The following SLAIN1 variants were observed in gnomAD, a reference collection of about 807,000 sequenced individuals.
SLAIN1 encodes the protein SLAIN family member 1.
A neutral mutation model predicts 55.4 loss-of-function variants in SLAIN1; 17 were observed. That is an observed-to-expected ratio of 0.31 (90% CI 0.21 to 0.46). The LOEUF (loss-of-function observed/expected upper bound fraction) is 0.46, where lower values mean the gene tolerates loss of function less well. SLAIN1 is among the 20% of genes least tolerant of loss of function. The pLI is 1.00. For synonymous variants in SLAIN1, 348 were observed against 337.4 expected (o/e 1.03, Z -0.35); for missense variants, 682 against 785.1 (o/e 0.87, Z 1.57).
rs749143729 is a variant in SLAIN1, at chr13:77,761,000, G to A, written c.1587G>A (p.Pro529=). 2.1e-5 allele frequency: 34 copies of A among 1,614,000 alleles called. No individual in the cohort carries two copies. The highest frequency in any genetic ancestry group is 1.7e-4 in the African/African-American group (13 of 74,896). Residue 529 remains proline (P), a synonymous_variant, in exon 6 of 7, where the codon CCG becomes CCA. Transcript: ENST00000418532. Reference sequence around the variant, plus strand: ...ATTCCAACACAGGAATCCCCACACCGAACAAAGCTGCAGCTTCTGGGATAA... The same window carrying A: ...ATTCCAACACAGGAATCCCCACACCAAACAAAGCTGCAGCTTCTGGGATAA... The part of the protein sequence containing the change: ...QLYSNTGIPT[P]NKAAASGIMG...
rs1056118409 is a variant in SLAIN1 at position 77,698,773 on chromosome 13, C to T, written c.626+234C>T. 1.4e-5 allele frequency: 16 copies of T among 1,157,786 alleles called. No homozygotes were observed. Among genetic ancestry groups the T allele is most frequent in the African/African-American group, 7.8e-5 (5 of 64,246 alleles). 71.7% of individuals were successfully genotyped at this position (1,157,786 alleles called of 1,614,324 possible). A position where few individuals can be genotyped will look rare whatever the true frequency, so the allele number is the denominator to read the frequency against. On this transcript the variant is annotated intron_variant, in intron 1 of 6. Coordinates refer to ENST00000418532, the MANE Select transcript of SLAIN1 (RefSeq NM_001242868.2). The surrounding 1 kb of genome is among the most constrained non-coding windows in gnomAD (Gnocchi z 4.1). Reference sequence around the variant, plus strand: ...ATCGCTCCGACTGCGGATGAACCGGCCCCCCCTTCCCCCCATCTGCCATGG... The same window carrying T: ...ATCGCTCCGACTGCGGATGAACCGGTCCCCCCTTCCCCCCATCTGCCATGG...
At chr13:77,756,906 A>G (rs200789843) in intron 5 of SLAIN1, among the ~76,000 whole-genome samples, 1 of 152,162 alleles carries the variant, frequency 6.6e-6, no homozygotes, top group East Asian at 1.9e-4. Context: ...GAGGCATGAG[A>G]GAGCATTGTA....
chr13:77,706,294 G>A (rs1433236751), intron 1 of SLAIN1, among the ~76,000 whole-genome samples: 1 of 151,940 alleles, frequency 6.6e-6, no homozygotes, highest in East Asian at 1.9e-4. Flanking sequence ...TCTGCATTAT[G>A]ATTATAATTT....
chr13:77,712,487 T>C (rs1286110561), intron 1 of SLAIN1, among the ~76,000 whole-genome samples: 1 of 152,174 alleles, frequency 6.6e-6, no homozygotes, highest in African/African-American at 2.4e-5. Flanking sequence ...ATAAAATATC[T>C]AGAAATACAA....
intron 2 of SLAIN1, among the ~76,000 whole-genome samples, chr13:77,727,384 A>AT (rs373098490): frequency 1.1e-4 from 17 of 149,378 alleles, no homozygotes; most frequent in African/African-American, 2.5e-4. Context: ...TAAGTACTGA[A>AT]TTTTTTTTGT....
rs761883970 is a variant in SLAIN1 at position 77,697,950 on chromosome 13, G to A, written c.37G>A (p.Val13Ile). 7.0e-7 allele frequency: 1 copy of A among 1,438,220 alleles called. No homozygotes were observed. The highest frequency in any genetic ancestry group is 2.4e-5 in the Admixed American group (1 of 41,636). 89.1% of individuals were successfully genotyped at this position (1,438,220 alleles called of 1,614,324 possible). Residue 13 changes from valine to isoleucine, a missense_variant, in exon 1 of 7, where the codon GTC becomes ATC. Physicochemically the swap from Val to Ile is conservative, Grantham distance 29. Transcript: ENST00000418532. ...GCAGGTGAAATGCGCCTCGGCAGGGGTCAGCTCTGGAGCGGGCTCCGGGCC... is the reference window on the plus strand; with the variant it reads ...GCAGGTGAAATGCGCCTCGGCAGGGATCAGCTCTGGAGCGGGCTCCGGGCC... ...AEQVKCASAG[V>I]SSGAGSGPVV...
intron 2 of SLAIN1, among the ~76,000 whole-genome samples, chr13:77,735,241 A>G (rs1372601934): frequency 6.6e-6 from 1 of 152,148 alleles, no homozygotes; most frequent in African/African-American, 2.4e-5. Flanking sequence ...ATTTGCTCCA[A>G]ATTTCAAAGC....
At chr13:77,744,113 A>G (rs1873645603) in intron 2 of SLAIN1, 170 bp from the exon 3 acceptor site, 1 of 631,342 alleles carries the variant, frequency 1.6e-6, no homozygotes, top group Non-Finnish European at 2.9e-6. Flanking sequence ...TTTTGTATAT[A>G]TGAATTGTGT....
At chr13:77,755,178 G>A (rs1266950729) in intron 5 of SLAIN1, among the ~76,000 whole-genome samples, 1 of 152,060 alleles carries the variant, frequency 6.6e-6, no homozygotes, top group Non-Finnish European at 1.5e-5. Context: ...AATTAGCCAG[G>A]CATAGTGGCA....
chr13:77,749,270 C>T (rs1458848606), intron 4 of SLAIN1, among the ~76,000 whole-genome samples: 1 of 152,078 alleles, frequency 6.6e-6, no homozygotes, highest in African/African-American at 2.4e-5. Context: ...AGAGATGGTT[C>T]ATAAAACTTT....
intron 6 of SLAIN1, among the ~76,000 whole-genome samples, chr13:77,762,020 GTTTTA>G (rs755696093): frequency 2.1e-4 from 32 of 152,298 alleles, no homozygotes; most frequent in African/African-American, 5.5e-4. Context: ...TATATAAATA[GTTTTA>G]TTTTGTTTTG....
intron 2 of SLAIN1, among the ~76,000 whole-genome samples, chr13:77,727,919 G>A (rs2091323150): frequency 1.3e-5 from 2 of 152,160 alleles, no homozygotes; most frequent in South Asian, 2.1e-4. Flanking sequence ...ATAAAATACA[G>A]GGAATCCTCT....
In SLAIN1 at chr13:77,719,690, A is replaced by G. The variant is rs755572732; in HGVS notation, c.766+19A>G. On this transcript the variant is annotated intron_variant, in intron 2 of 6. Transcript: ENST00000418532. ...GAGCAAGGTAATTGTGAGTGTGTGC[A>G]TTTACATTCTCCAACTCTTGTCACT... The G allele has an allele frequency of 3.7e-6, 6 of 1,610,510 alleles. No individual in the cohort carries two copies. The Admixed American group carries it at 8.4e-5, about 22-fold the overall frequency.
At chr13:77,724,880 T>G (rs572512248) in intron 2 of SLAIN1, among the ~76,000 whole-genome samples, 2 of 152,292 alleles carry the variant, frequency 1.3e-5, no homozygotes, top group South Asian at 4.1e-4. Context: ...TAGACTTAAT[T>G]TCTCCCTTGG....
At chr13:77,699,094 C>T in intron 1 of SLAIN1, 2 of 1,503,630 alleles carry the variant, frequency 1.3e-6, no homozygotes, top group Non-Finnish European at 1.8e-6. Context: ...AGTCGTGTGC[C>T]CTTTTGCGTT....
Position 77,741,252 on chromosome 13 carries a change from A to G in SLAIN1, c.767-3031A>G, listed in dbSNP as rs545435093. The stretch of plus-strand genomic sequence containing the variant: ...CAAAGAACTATTGGTCTTTTAAAAT[A>G]TAGAATTTTTAATGAGAAACTTTGA... On this transcript the variant is annotated intron_variant, in intron 2 of 6. Coordinates refer to ENST00000418532, the MANE Select transcript of SLAIN1 (RefSeq NM_001242868.2). 3.0e-5 allele frequency: 30 copies of G among 987,080 alleles called. No homozygotes were observed. The South Asian group carries it at 1.3e-3, about 42-fold the overall frequency. 61.1% of individuals were successfully genotyped at this position (987,080 alleles called of 1,614,324 possible).
chr13:77,753,053 C>A, intron 4 of SLAIN1, 150 bp from the exon 5 acceptor site: 1 of 700,222 alleles, frequency 1.4e-6, no homozygotes, highest in Non-Finnish European at 2.2e-6. Flanking sequence ...GGGTGTTTTC[C>A]TGTACAATAG....
At chr13:77,732,355 AG>A (rs903225686) in intron 2 of SLAIN1, among the ~76,000 whole-genome samples, 4 of 152,148 alleles carry the variant, frequency 2.6e-5, no homozygotes, top group Non-Finnish European at 5.9e-5. Flanking sequence ...GAGATTATTT[AG>A]CCTATTTCTT....
chr13:77,756,800 A>G (rs1874639312), intron 5 of SLAIN1, among the ~76,000 whole-genome samples: 1 of 152,172 alleles, frequency 6.6e-6, no homozygotes, highest in African/African-American at 2.4e-5. Flanking sequence ...TAACATACTA[A>G]TAAGTCTATT....
Sources: allele counts gnomAD v4.1 joint callset (sites outside exome capture counted in the v4.1 genomes callset), GRCh38; gene constraint gnomAD v4.1.1; non-coding constraint Gnocchi (gnomAD v3.1); transcripts MANE v1.5; gene names NCBI Gene and HGNC (gene_info 2026-07-23, HGNC 2026-07-21).